ANKS6: variants seen among roughly 807,000 people sequenced by gnomAD.
ANKS6 encodes the protein ankyrin repeat and sterile alpha motif domain containing 6.
A neutral mutation model predicts 77.9 loss-of-function variants in ANKS6; 47 were observed. The observed-to-expected ratio is 0.60, with a 90% CI of 0.48 to 0.77. The LOEUF is 0.77. ANKS6 is among the 30% of genes least tolerant of loss of function. The probability of loss-of-function intolerance (pLI) is 0.00; values close to 1 mark genes in which losing one functional copy is unlikely to be tolerated. For missense variants in ANKS6, 1,150 were observed against 1,159.1 expected (o/e 0.99, Z 0.11); for synonymous variants, 488 against 501.7 (o/e 0.97, Z 0.37).
At chr9:98,741,455 A>G (rs936220767) in intron 14 of ANKS6, among the ~76,000 whole-genome samples, 1 of 152,204 alleles carries the variant, frequency 6.6e-6, no homozygotes, top group African/African-American at 2.4e-5. Context: ...AAAGGACACA[A>G]AACACTGCAG....
At chr9:98,763,231 A>C (rs7868885) in intron 11 of ANKS6, among the ~76,000 whole-genome samples, 1 of 151,868 alleles carries the variant, frequency 6.6e-6, no homozygotes, top group African/African-American at 2.4e-5. Context: ...ATTCACCAAA[A>C]GAGATCACAT....
chr9:98,740,641 C>A (rs781730103), intron 14 of ANKS6, among the ~76,000 whole-genome samples: 1 of 152,150 alleles, frequency 6.6e-6, no homozygotes, highest in Admixed American at 6.5e-5. Context: ...GACAGGGTTC[C>A]GGCCCTCGCT....
chr9:98,788,413 G>A (rs919816227), intron 2 of ANKS6, among the ~76,000 whole-genome samples: 1 of 149,726 alleles, frequency 6.7e-6, no homozygotes, highest in Non-Finnish European at 1.5e-5. Flanking sequence ...GATTCAGCAT[G>A]GCAGGTGTGC....
Position 98,780,322 on chromosome 9 carries a change from C to T in ANKS6, c.1235G>A (p.Arg412Gln), listed in dbSNP as rs764745147. Residue 412 changes from arginine (R) to glutamine (Q), a missense_variant, in exon 6 of 15, where the codon CGA becomes CAA. Arg to Gln is a conservative substitution (Grantham distance 43). Coordinates refer to ENST00000353234, the MANE Select transcript of ANKS6 (RefSeq NM_173551.5). ...CTGCATGCAGACAGATGCCAGCAGT[C>T]GAACAAGTTCCGTGTCTATGGACAC... ...LLNDPDTELV[R>Q]LLASVCMQVN... 3.1e-6 allele frequency: 5 copies of T among 1,598,946 alleles called. No homozygotes were observed. Among genetic ancestry groups the T allele is most frequent in the East Asian group, 4.5e-5 (2 of 44,584 alleles).
intron 2 of ANKS6, among the ~76,000 whole-genome samples, chr9:98,785,818 T>C (rs554794170): frequency 6.6e-6 from 1 of 151,996 alleles, no homozygotes; most frequent in East Asian, 1.9e-4. Context: ...GAGTGTGGAG[T>C]CAGTGCACGT....
intron 12 of ANKS6, among the ~76,000 whole-genome samples, chr9:98,754,380 A>G (rs542118): frequency 6.6e-6 from 1 of 152,136 alleles, no homozygotes; most frequent in Non-Finnish European, 1.5e-5. Context: ...GGTGGCTCAC[A>G]CCTGTAATCC....
At chr9:98,764,638 G>A (rs759429872) in intron 11 of ANKS6, among the ~76,000 whole-genome samples, 9 of 152,014 alleles carry the variant, frequency 5.9e-5, no homozygotes, top group African/African-American at 1.7e-4. Flanking sequence ...TTTCCCTGGC[G>A]GCCTCAAGTC....
In ANKS6 at chr9:98,773,967, C is replaced by T. The variant is rs201821907; in HGVS notation, c.1731G>A (p.Thr577=). The T allele has an allele frequency of 4.0e-4, 646 of 1,599,386 alleles. 1 individual carries two copies. The highest frequency in any genetic ancestry group is 5.1e-4 in the Non-Finnish European group (599 of 1,174,730). The part of the protein sequence containing the change: ...FELWSSDRSR[T]RHNGKADPMK... The stretch of plus-strand genomic sequence containing the variant: ...TGGGGTCTGCCTTCCCGTTGTGACG[C>T]GTCCGGGACCGATCAGAGCTCCACA... Residue 577 remains threonine (T), a synonymous_variant, in exon 9 of 15, where the codon ACG becomes ACA. Transcript: ENST00000353234.
chr9:98,734,216 GA>G lies in ANKS6; in HGVS notation c.*2302del. The G allele has an allele frequency of 1.0e-6, 1 of 985,444 alleles. No individual in the cohort carries two copies. Among genetic ancestry groups the G allele is most frequent in the Non-Finnish European group, 1.2e-6 (1 of 830,008 alleles). The allele number at this position is 985,444 out of a possible 1,614,324, so 61.0% of individuals were successfully genotyped here. A position where few individuals can be genotyped will look rare whatever the true frequency, so the allele number is the denominator to read the frequency against. On this transcript the variant is annotated 3_prime_UTR_variant, in exon 15 of 15. Transcript: ENST00000353234. ...AAAGCCTTGGACACTTGAGTCCAGT[GA>G]AAAAGAAAGGAAAGGCATTGTCTGG...
At chr9:98,738,242 T>G (rs1260647086) in intron 14 of ANKS6, among the ~76,000 whole-genome samples, 1 of 152,100 alleles carries the variant, frequency 6.6e-6, no homozygotes, top group Non-Finnish European at 1.5e-5. Flanking sequence ...TGAGACTTAT[T>G]TAAACTAAAG....
chr9:98,750,384 C>T (rs2117881477), intron 13 of ANKS6, among the ~76,000 whole-genome samples: 1 of 152,336 alleles, frequency 6.6e-6, no homozygotes, highest in East Asian at 1.9e-4. Flanking sequence ...AATAACATTC[C>T]ATGGCACAGG....
rs145977885 is a variant in ANKS6 at position 98,753,660 on chromosome 9, A to G, written c.2327-2564T>C. On this transcript the variant is annotated intron_variant, in intron 12 of 14. Coordinates refer to ENST00000353234, the MANE Select transcript of ANKS6 (RefSeq NM_173551.5). ...CAAGCCCTGATTGATGGTGTTTGCCAATTTCCATGGTGTAAATACCCCCAT... is the reference window on the plus strand; with the variant it reads ...CAAGCCCTGATTGATGGTGTTTGCCGATTTCCATGGTGTAAATACCCCCAT... 5.8e-3 allele frequency among the ~76,000 whole-genome samples: 881 copies of G among 150,860 alleles called. 7 individuals are homozygous for G. The highest frequency in any genetic ancestry group is 8.3e-3 in the Non-Finnish European group (564 of 67,848).
At position 98,736,257 on chromosome 9, in the gene ANKS6, T is replaced by A. The variant is rs337585; in HGVS notation, c.*262A>T. ...AGAGCACAGGATGAAAGGAGCTGAG[T>A]CCCTGCATCACTGTGTGAACCAACC... is the stretch of plus-strand genomic sequence containing the variant. On this transcript the variant is annotated 3_prime_UTR_variant, in exon 15 of 15. Coordinates refer to ENST00000353234, the MANE Select transcript of ANKS6 (RefSeq NM_173551.5). 44,603 of 1,296,300 alleles carry A rather than the reference T, an allele frequency of 0.034. 2,000 individuals are homozygous for A. Among genetic ancestry groups the A allele is most frequent in the East Asian group, 0.26 (8,260 of 32,252 alleles). The allele number at this position is 1,296,300 out of a possible 1,614,324, so 80.3% of individuals were successfully genotyped here.
At chr9:98,784,234 A>G (rs1377461839) in intron 3 of ANKS6, 77 bp from the exon 4 acceptor site, 4 of 1,350,284 alleles carry the variant, frequency 3.0e-6, no homozygotes, top group South Asian at 3.0e-5. Context: ...TTCATGTAAC[A>G]AACACTTGCT....
intron 2 of ANKS6, among the ~76,000 whole-genome samples, chr9:98,785,979 C>T (rs1264495255): frequency 6.6e-6 from 1 of 152,126 alleles, no homozygotes; most frequent in African/African-American, 2.4e-5. Flanking sequence ...GCAAGGTAAA[C>T]CCCAGAATTC....
At chr9:98,736,921 G>A (rs1256727333) in intron 14 of ANKS6, among the ~76,000 whole-genome samples, 3 of 152,132 alleles carry the variant, frequency 2.0e-5, no homozygotes, top group Non-Finnish European at 2.9e-5. Context: ...CTCCCGAGTC[G>A]CACGGCCCGG....
At chr9:98,744,485 A>G (rs1476009488) in intron 14 of ANKS6, among the ~76,000 whole-genome samples, 1 of 152,186 alleles carries the variant, frequency 6.6e-6, no homozygotes, top group Non-Finnish European at 1.5e-5. Context: ...AGGTAAGTGT[A>G]AGGACATCGG....
Position 98,734,043 on chromosome 9 carries a change from G to C in ANKS6, c.*2476C>G, listed in dbSNP as rs896072828. The C allele has an allele frequency of 1.2e-5, 12 of 985,338 alleles. No individual in the cohort carries two copies. The African/African-American group carries it at 1.9e-4, about 16-fold the overall frequency. 61.0% of individuals were successfully genotyped at this position (985,338 alleles called of 1,614,324 possible). A position where few individuals can be genotyped will look rare whatever the true frequency, so the allele number is the denominator to read the frequency against. ...ACCCAACTGACCCCTCCTCCCTGAC[G>C]ATCTATAACCTACATGTTCCGTGCT... On this transcript the variant is annotated 3_prime_UTR_variant, in exon 15 of 15. Coordinates refer to ENST00000353234, the MANE Select transcript of ANKS6 (RefSeq NM_173551.5).
intron 14 of ANKS6, among the ~76,000 whole-genome samples, chr9:98,737,894 C>G (rs1282624217): frequency 2.6e-5 from 4 of 152,148 alleles, no homozygotes; most frequent in Admixed American, 2.6e-4. Flanking sequence ...GGCACATAGA[C>G]CAACGGAACA....
Sources: gnomAD v4.1 joint callset for allele counts (sites outside exome capture counted in the v4.1 genomes callset) on GRCh38, gnomAD v4.1.1 for gene constraint, MANE v1.5 for transcripts, NCBI Gene and HGNC (gene_info 2026-07-23, HGNC 2026-07-21) for gene names.